The following SRFBP1 variants were observed in gnomAD, a reference collection of about 807,000 sequenced individuals.
SRFBP1 encodes serum response factor-binding protein 1.
A neutral mutation model predicts 45.5 loss-of-function variants in SRFBP1; 47 were observed. The observed-to-expected ratio is 1.03, with a 90% confidence interval of 0.82 to 1.32. The LOEUF (loss-of-function observed/expected upper bound fraction) is 1.32, where lower values mean the gene tolerates loss of function less well. SRFBP1 is among the 40% of genes most tolerant of loss of function. The probability of loss-of-function intolerance (pLI) is 0.00; values close to 1 mark genes in which losing one functional copy is unlikely to be tolerated. For missense variants in SRFBP1, 621 were observed against 484.6 expected (o/e 1.28, Z -2.64); for synonymous variants, 203 against 166.3 (o/e 1.22, Z -1.70).
At chr5:122,024,831 T>G (rs922762919) in intron 7 of SRFBP1, among the ~76,000 whole-genome samples, 1 of 152,232 alleles carries the variant, frequency 6.6e-6, no homozygotes, top group African/African-American at 2.4e-5. Context: ...ATGCTTAAAA[T>G]ATTTACTAGT....
rs151112419 is a variant in SRFBP1 at position 122,023,734 on chromosome 5, A to G, written c.1105+1327A>G. Among the ~76,000 whole-genome samples, 577 of 152,238 alleles carry G rather than the reference A, an allele frequency of 3.8e-3. 5 individuals carry two copies. Among genetic ancestry groups the G allele is most frequent in the African/African-American group, 0.013 (522 of 41,540 alleles). ...ACAAATATAAAATGATGAAGATTGTACAAAGTTCAGCAGAGGTTTTTTCCA... is the reference window on the plus strand; with the variant it reads ...ACAAATATAAAATGATGAAGATTGTGCAAAGTTCAGCAGAGGTTTTTTCCA... On this transcript the variant is annotated intron_variant, in intron 7 of 7. Coordinates refer to ENST00000339397, the MANE Select transcript of SRFBP1 (RefSeq NM_152546.3).
intron 2 of SRFBP1, among the ~76,000 whole-genome samples, chr5:122,054,692 T>C (rs553805577): frequency 6.6e-6 from 1 of 152,366 alleles, no homozygotes; most frequent in African/African-American, 2.4e-5. Context: ...TTTATCTTTC[T>C]CTCAGCTTCC....
chr5:122,013,780 T>C (rs1753141604), intron 4 of SRFBP1, among the ~76,000 whole-genome samples: 1 of 152,180 alleles, frequency 6.6e-6, no homozygotes, highest in African/African-American at 2.4e-5. Flanking sequence ...AAACATACTT[T>C]AATATATTGC....
intron 2 of SRFBP1, chr5:122,066,497 T>A (rs1458310486): frequency 7.2e-6 from 3 of 416,182 alleles, no homozygotes; most frequent in African/African-American, 6.0e-5. Context: ...AATTACAGAA[T>A]TGAAACACTG....
chr5:122,077,878 C>G (rs949918933), downstream of SRFBP1: 10 of 1,535,408 alleles, frequency 6.5e-6, no homozygotes, highest in Non-Finnish European at 8.7e-6. This position sits in a 1 kb window ranked among gnomAD's most constrained non-coding sequence, Gnocchi z 4.9. Flanking sequence ...CCGGAGCCGC[C>G]GGCGGCTCGC....
chr5:122,075,419 C>A, exon 3 of SRFBP1: 1 of 1,612,680 alleles, frequency 6.2e-7, no homozygotes. Flanking sequence ...ACAACTGTGC[C>A]ATTCCCAGGA....
intron 2 of SRFBP1, among the ~76,000 whole-genome samples, chr5:122,040,444 G>A (rs1004937154): frequency 9.2e-5 from 14 of 152,114 alleles, no homozygotes; most frequent in Non-Finnish European, 1.6e-4. Context: ...TCTCCATGTT[G>A]TTTTCAGGAT....
intron 5 of SRFBP1, 66 bp from the exon 6 acceptor site, chr5:122,020,022 G>T (rs1753270147): frequency 6.2e-6 from 7 of 1,122,312 alleles, no homozygotes; most frequent in African/African-American, 1.6e-5. Context: ...TTAAAATACT[G>T]TCCTAAAACA....
At chr5:122,030,289 A>G (rs1753568367), downstream of SRFBP1, among the ~76,000 whole-genome samples, 1 of 152,244 alleles carries the variant, frequency 6.6e-6, no homozygotes, top group Non-Finnish European at 1.5e-5. Context: ...TTGAATCTAA[A>G]TCTTGATAAG....
chr5:121,995,091 A>G (rs1438144918), intron 4 of SRFBP1, among the ~76,000 whole-genome samples: 1 of 151,816 alleles, frequency 6.6e-6, no homozygotes, highest in African/African-American at 2.4e-5. Context: ...CACTGTCAAC[A>G]TTAGACAGAT....
chr5:121,982,641 CA>C (rs564326803), intron 3 of SRFBP1, among the ~76,000 whole-genome samples: 1 of 151,666 alleles, frequency 6.6e-6, no homozygotes, highest in South Asian at 2.1e-4. Flanking sequence ...CCTTTGTTGG[CA>C]AAAGAGATGA....
chr5:122,041,983 A>AT (rs541575438), intron 2 of SRFBP1, among the ~76,000 whole-genome samples: 17 of 151,956 alleles, frequency 1.1e-4, no homozygotes, highest in Middle Eastern at 3.5e-3. Flanking sequence ...ACTGAAGTGT[A>AT]TTTTTTTTCA....
intron 4 of SRFBP1, among the ~76,000 whole-genome samples, chr5:122,008,878 CT>C (rs1180065837): frequency 4.6e-5 from 7 of 152,136 alleles, no homozygotes; most frequent in Non-Finnish European, 1.0e-4. Context: ...AAATATGTTC[CT>C]TTCACCTTTA....
intron 2 of SRFBP1, among the ~76,000 whole-genome samples, chr5:122,050,284 A>G (rs1190188281): frequency 6.6e-6 from 1 of 152,070 alleles, no homozygotes; most frequent in Non-Finnish European, 1.5e-5. Flanking sequence ...GGAGTTCCTC[A>G]TGCTCAGTTT....
At position 121,990,012 on chromosome 5, in the gene SRFBP1, T is replaced by C. The variant is rs374834710; in HGVS notation, c.199-4587T>C. On this transcript the variant is annotated intron_variant, in intron 3 of 7. Coordinates refer to ENST00000339397, the MANE Select transcript of SRFBP1 (RefSeq NM_152546.3). ...GAGACTTTACTGATTTTATTTTTCC[T>C]CTCTCACTAAGAAATAGACTTAAAA... 4.1e-3 allele frequency among the ~76,000 whole-genome samples: 618 copies of C among 152,242 alleles called. 3 individuals are homozygous for C. The highest frequency in any genetic ancestry group is 0.014 in the African/African-American group (599 of 41,528).
intron 2 of SRFBP1, among the ~76,000 whole-genome samples, chr5:122,062,497 C>G (rs181724956): frequency 6.6e-6 from 1 of 151,986 alleles, no homozygotes; most frequent in Admixed American, 6.6e-5. Flanking sequence ...GTGCTTGAAA[C>G]ACTGTATGCT....
At chr5:121,982,958 T>G (rs142081948) in intron 3 of SRFBP1, among the ~76,000 whole-genome samples, 1,607 of 151,934 alleles carry the variant, frequency 0.011, 27 homozygotes, top group African/African-American at 0.036. Context: ...ACTTTTAAAT[T>G]ATTAATTCAA....
intron 2 of SRFBP1, among the ~76,000 whole-genome samples, chr5:122,047,757 C>T (rs1053705928): frequency 1.1e-4 from 17 of 152,158 alleles, no homozygotes; most frequent in Admixed American, 2.6e-4. Flanking sequence ...TGAAGAGATC[C>T]TTCACATCCC....
intron 3 of SRFBP1, among the ~76,000 whole-genome samples, chr5:121,987,024 A>C (rs1357883475): frequency 6.6e-6 from 1 of 152,128 alleles, no homozygotes. Flanking sequence ...TACCAAACTG[A>C]AAGTTTGACT....
Sources: gnomAD v4.1 joint callset for allele counts (sites outside exome capture counted in the v4.1 genomes callset) on GRCh38, gnomAD v4.1.1 for gene constraint, Gnocchi (gnomAD v3.1) non-coding constraint, MANE v1.5 for transcripts, NCBI Gene and HGNC (gene_info 2026-07-23, HGNC 2026-07-21) for gene names.